GNPDA1: variants seen among roughly 807,000 people sequenced by gnomAD.
GNPDA1 encodes GNPDA 1.
In GNPDA1, 24 loss-of-function variants were observed where a neutral mutation model predicts 28.5. The ratio of observed to expected loss-of-function variants is 0.84; its 90% CI spans 0.61 to 1.19. The LOEUF is 1.19. Among genes scored for constraint, GNPDA1 ranks in the 50% most tolerant of loss-of-function variants. GNPDA1 has a pLI of 0.00. For missense variants in GNPDA1, 264 were observed against 367.3 expected (o/e 0.72, Z 2.30); for synonymous variants, 147 against 139.3 (o/e 1.06, Z -0.39).
chr5:142,002,600 A>C (rs1198060000), intron 6 of GNPDA1, among the ~76,000 whole-genome samples: 1 of 152,122 alleles, frequency 6.6e-6, no homozygotes, highest in Admixed American at 6.6e-5. Context: ...TAAAAATACA[A>C]AAATTAACTG....
chr5:142,003,505 G>C lies in GNPDA1; in HGVS notation c.595-243C>G, dbSNP rs1755727365. Among the ~76,000 whole-genome samples the C allele has an allele frequency of 6.6e-6, 1 of 152,168 alleles. No individual in the cohort carries two copies. Among genetic ancestry groups the C allele is most frequent in the Non-Finnish European group, 1.5e-5 (1 of 68,032 alleles). ...GCCCAGGGTCATTTATGACCCCAAA[G>C]TTCATGTTCTTGACTACCACGTGAC... On this transcript the variant is annotated intron_variant, in intron 5 of 6. Transcript: ENST00000311337. This position sits in a 1 kb window ranked among gnomAD's most constrained non-coding sequence, Gnocchi z 4.0.
chr5:142,003,029 C>G lies in GNPDA1; in HGVS notation c.769+59G>C. The stretch of plus-strand genomic sequence containing the variant: ...CCAGAGGATGAAAGCTGGATCTACT[C>G]CTTACTCCTAGCACACCCTAAGCTT... On this transcript the variant is annotated intron_variant, in intron 6 of 6. Transcript: ENST00000311337. The surrounding 1 kb of genome is among the most constrained non-coding windows in gnomAD (Gnocchi z 4.0). 2 of 1,430,700 alleles carry G rather than the reference C, an allele frequency of 1.4e-6. No individual in the cohort carries two copies. Among genetic ancestry groups the G allele is most frequent in the African/African-American group, 2.8e-5 (2 of 70,954 alleles). The allele number at this position is 1,430,700 out of a possible 1,614,324, so 88.6% of individuals were successfully genotyped here. A position where few individuals can be genotyped will look rare whatever the true frequency, so the allele number is the denominator to read the frequency against.
intron 2 of GNPDA1, 143 bp from the exon 3 acceptor site, chr5:142,008,043 T>A (rs983589058): frequency 1.1e-5 from 7 of 627,830 alleles, no homozygotes; most frequent in Admixed American, 5.7e-5. Flanking sequence ...CTAACTGCCA[T>A]CCATCCATTA....
Position 142,000,748 on chromosome 5 carries a change from G to A in GNPDA1, c.*1281C>T, listed in dbSNP as rs754230310. The A allele has an allele frequency of 6.6e-6, 1 of 152,304 alleles. No homozygotes were observed. Among genetic ancestry groups the A allele is most frequent in the Non-Finnish European group, 1.5e-5 (1 of 68,044 alleles). The allele number at this position is 152,304 out of a possible 1,614,324, so 9.4% of individuals were successfully genotyped here. On this transcript the variant is annotated 3_prime_UTR_variant, in exon 7 of 7. Coordinates refer to ENST00000311337, the MANE Select transcript of GNPDA1 (RefSeq NM_005471.5). ...TTGATCCATGAGCTTAAAACAGAAT[G>A]ACGGCACAATCACATAGAAAAGCTA... is the stretch of plus-strand genomic sequence containing the variant.
chr5:142,012,051 G>T lies in GNPDA1; in HGVS notation c.-6-10C>A, dbSNP rs1445325158. 2 of 1,579,848 alleles carry T rather than the reference G, an allele frequency of 1.3e-6. No homozygotes were observed. Reference sequence around the variant, plus strand: ...TGAGCTTCATCTTGTCCTGCAGTGGGGGAGAGGGGATGACAGAAAGGAATC... The same window carrying T: ...TGAGCTTCATCTTGTCCTGCAGTGGTGGAGAGGGGATGACAGAAAGGAATC... On this transcript the variant is annotated splice_polypyrimidine_tract_variant and intron_variant, in intron 1 of 6. Coordinates refer to ENST00000311337, the MANE Select transcript of GNPDA1 (RefSeq NM_005471.5).
chr5:142,001,340 G>C lies in GNPDA1; in HGVS notation c.*689C>G, dbSNP rs551316294. On this transcript the variant is annotated 3_prime_UTR_variant, in exon 7 of 7. Coordinates refer to ENST00000311337, the MANE Select transcript of GNPDA1 (RefSeq NM_005471.5). The stretch of plus-strand genomic sequence containing the variant: ...ACCTTCTGCCTTTTGGTGCTGGAGA[G>C]TCCCTGAGGGAGAGAAGTTTGACGT... 2 of 152,320 alleles carry C rather than the reference G, an allele frequency of 1.3e-5. No individual in the cohort carries two copies. Among genetic ancestry groups the C allele is most frequent in the African/African-American group, 4.8e-5 (2 of 41,438 alleles). The allele number at this position is 152,320 out of a possible 1,614,324, so 9.4% of individuals were successfully genotyped here.
chr5:142,002,662 G>A lies in GNPDA1; in HGVS notation c.769+426C>T, dbSNP rs374361882. ...CAGCTACTTGGGAGACTGAGGCAAG[G>A]AGAATCACTTAAGCCCGGGAGGTGG... On this transcript the variant is annotated intron_variant, in intron 6 of 6. Transcript: ENST00000311337. Among the ~76,000 whole-genome samples the A allele has an allele frequency of 2.2e-4, 34 of 152,238 alleles. No individual in the cohort carries two copies. In the East Asian group the frequency reaches 3.1e-3, roughly 14 times the overall value.
chr5:142,003,345 C>A lies in GNPDA1; in HGVS notation c.595-83G>T. On this transcript the variant is annotated intron_variant, in intron 5 of 6. Coordinates refer to ENST00000311337, the MANE Select transcript of GNPDA1 (RefSeq NM_005471.5). This position sits in a 1 kb window ranked among gnomAD's most constrained non-coding sequence, Gnocchi z 4.0. ...TTGTAAGGATGATTGTTTTTCATAT[C>A]ACATTGTAAGTGGTTACCATGCAAC... 1 of 940,752 alleles carries A rather than the reference C, an allele frequency of 1.1e-6. No homozygotes were observed. The highest frequency in any genetic ancestry group is 2.3e-5 in the Admixed American group (1 of 43,226). The allele number at this position is 940,752 out of a possible 1,614,324, so 58.3% of individuals were successfully genotyped here.
chr5:142,011,850 T>C lies in GNPDA1; in HGVS notation c.124+62A>G, dbSNP rs774057120. 5 of 1,589,414 alleles carry C rather than the reference T, an allele frequency of 3.1e-6. No homozygotes were observed. The East Asian group carries it at 9.0e-5, about 29-fold the overall frequency. On this transcript the variant is annotated intron_variant, in intron 2 of 6. Transcript: ENST00000311337. ...CCTTGGCTGAGTGAGCCGGTGTACC[T>C]GGCCCCTGTTGCCTACTCTCTCCAC...
In GNPDA1 at chr5:142,011,925, C is replaced by A. The variant is rs1221534231; in HGVS notation, c.111G>T (p.Leu37=). ...FNPGPEKYFT[L]GLPTGSTPLG... ...CCAAGAACGCACCAGTGGGGAGCCCCAGGGTGAAGTACTTCTCTGGCCCTG... is the reference window on the plus strand; with the variant it reads ...CCAAGAACGCACCAGTGGGGAGCCCAAGGGTGAAGTACTTCTCTGGCCCTG... The change falls in exon 2 of 7, where the codon CTG becomes CTT. Residue 37 remains leucine, a synonymous_variant. Transcript: ENST00000311337. The A allele has an allele frequency of 6.2e-7, 1 of 1,613,972 alleles. No homozygotes were observed. Among genetic ancestry groups the A allele is most frequent in the Non-Finnish European group, 8.5e-7 (1 of 1,179,958 alleles).
At chr5:142,011,674 T>C (rs1755958762) in intron 2 of GNPDA1, among the ~76,000 whole-genome samples, 1 of 152,170 alleles carries the variant, frequency 6.6e-6, no homozygotes, top group South Asian at 2.1e-4. Context: ...AAAATCAAAT[T>C]CTTCCTGCCA....
chr5:142,010,208 G>A (rs957287673), intron 2 of GNPDA1, among the ~76,000 whole-genome samples: 2 of 152,178 alleles, frequency 1.3e-5, no homozygotes, highest in Non-Finnish European at 2.9e-5. Context: ...ACCCAAGCTG[G>A]AGTGCAGTGG....
Position 142,007,714 on chromosome 5 carries a change from C to T in GNPDA1, c.226+85G>A, listed in dbSNP as rs867784538. ...CTATCATCAAATGTCACTGGCTCCC[C>T]GATTCCTCTCCAGGACTGGGCCAAT... On this transcript the variant is annotated intron_variant, in intron 3 of 6. Transcript: ENST00000311337. 53 of 785,992 alleles carry T rather than the reference C, an allele frequency of 6.7e-5. No homozygotes were observed. In the Middle Eastern group the frequency reaches 2.3e-3, roughly 35 times the overall value. 48.7% of individuals were successfully genotyped at this position (785,992 alleles called of 1,614,324 possible).
chr5:142,012,233 C>G (rs1243923962), intron 1 of GNPDA1, 192 bp from the exon 2 acceptor site: 2 of 460,902 alleles, frequency 4.3e-6, no homozygotes, highest in East Asian at 3.4e-5. Flanking sequence ...CCACAGACCA[C>G]GAGGAGGCGC....
In GNPDA1 at chr5:142,011,980, T is replaced by C; in HGVS notation, c.56A>G (p.Tyr19Cys). 3 of 1,612,890 alleles carry C rather than the reference T, an allele frequency of 1.9e-6. No individual in the cohort carries two copies. The highest frequency in any genetic ancestry group is 2.5e-6 in the Non-Finnish European group (3 of 1,178,978). ...YSQASEWAAK[Y>C]IRNRIIQFNP... The stretch of plus-strand genomic sequence containing the variant: ...AAACTGGATGATGCGGTTCCTGATG[T>C]ATTTAGCCGCCCACTCGCTCGCCTG... The change falls in exon 2 of 7, where the codon TAC (tyrosine) becomes TGC (cysteine). Residue 19 changes from tyrosine (Y) to cysteine (C), a missense_variant. Transcript: ENST00000311337.
chr5:142,004,922 A>G lies in GNPDA1; in HGVS notation c.594+10T>C, dbSNP rs147558028. On this transcript the variant is annotated intron_variant, in intron 5 of 6. Transcript: ENST00000311337. ...ACCAGCGCAAGCTGGTGGGGCCCTT[A>G]TGCCCTTACCTCTCTAGCATCCATG... The G allele has an allele frequency of 2.3e-5, 37 of 1,579,870 alleles. No individual in the cohort carries two copies. The East Asian group carries it at 8.2e-4, about 35-fold the overall frequency.
At position 142,011,720 on chromosome 5, in the gene GNPDA1, C is replaced by T. The variant is rs1279328383; in HGVS notation, c.124+192G>A. 5.7e-6 allele frequency: 3 copies of T among 530,318 alleles called. No individual in the cohort carries two copies. In the East Asian group the frequency reaches 9.0e-5, roughly 16 times the overall value. 32.9% of individuals were successfully genotyped at this position (530,318 alleles called of 1,614,324 possible). ...CTTCTGCTCCAGGATTCTGCAGGGA[C>T]AGGCAGCGACTAAACCAACCCATAA... On this transcript the variant is annotated intron_variant, in intron 2 of 6. Coordinates refer to ENST00000311337, the MANE Select transcript of GNPDA1 (RefSeq NM_005471.5).
rs779438309 is a variant in GNPDA1 at position 142,006,266 on chromosome 5, T to C, written c.287A>G (p.His96Arg). The C allele has an allele frequency of 3.1e-6, 5 of 1,613,986 alleles. No homozygotes were observed. The East Asian group carries it at 1.1e-4, about 36-fold the overall frequency. Residue 96 changes from histidine (H) to arginine (R), a missense_variant, in exon 4 of 7, where the codon CAC becomes CGC. His to Arg is a conservative substitution (Grantham distance 29). Transcript: ENST00000311337. ...HSFMWNNFFK[H>R]IDIHPENTHI... Reference sequence around the variant, plus strand: ...GGTGTTTTCTGGGTGGATGTCAATGTGCTTGAAGAAGTTGTTCCACATGAA... The same window carrying C: ...GGTGTTTTCTGGGTGGATGTCAATGCGCTTGAAGAAGTTGTTCCACATGAA...
At chr5:142,004,754 A>G (rs1182554635) in intron 5 of GNPDA1, 178 bp downstream of exon 5, 2 of 470,198 alleles carry the variant, frequency 4.3e-6, no homozygotes, top group Non-Finnish European at 7.7e-6. Flanking sequence ...CACACTGGGA[A>G]TAATGATGTC....
Sources: allele counts gnomAD v4.1 joint callset (sites outside exome capture counted in the v4.1 genomes callset), GRCh38; gene constraint gnomAD v4.1.1; non-coding constraint Gnocchi (gnomAD v3.1); transcripts MANE v1.5; gene names NCBI Gene and HGNC (gene_info 2026-07-23, HGNC 2026-07-21).